The following RASL10B variants were observed in gnomAD, a reference collection of about 807,000 sequenced individuals.
The protein encoded by RASL10B is ras-like protein family member 10B.
A neutral mutation model predicts 20.7 loss-of-function variants in RASL10B; 10 were observed. That is an observed-to-expected ratio of 0.48 (90% confidence interval 0.30 to 0.82). The LOEUF (loss-of-function observed/expected upper bound fraction) is 0.82, where lower values mean the gene tolerates loss of function less well. RASL10B is among the 40% of genes least tolerant of loss of function. RASL10B has a pLI of 0.07. For synonymous variants in RASL10B, 110 were observed against 123.3 expected, an observed-to-expected ratio of 0.89 and a Z score of 0.72; for missense variants, 231 against 295.4, an observed-to-expected ratio of 0.78 and a Z score of 1.60.
rs1212662974 is a variant in RASL10B at position 35,731,834 on chromosome 17, C to T, written c.-192C>T. The T allele has an allele frequency of 1.3e-5, 2 of 151,810 alleles. No individual in the cohort carries two copies. The highest frequency in any genetic ancestry group is 2.9e-5 in the Non-Finnish European group (2 of 67,936). 9.4% of individuals were successfully genotyped at this position (151,810 alleles called of 1,614,324 possible). A position where few individuals can be genotyped will look rare whatever the true frequency, so the allele number is the denominator to read the frequency against. On this transcript the variant is annotated 5_prime_UTR_variant, in exon 1 of 4. Coordinates refer to ENST00000603017, the MANE Select transcript of RASL10B (RefSeq NM_033315.4). Reference sequence around the variant, plus strand: ...CCGGAGCCCGGGGGGAGCTCAGCCCCGCCGACCGGCCGGCCAGGGCAGGGG... The same window carrying T: ...CCGGAGCCCGGGGGGAGCTCAGCCCTGCCGACCGGCCGGCCAGGGCAGGGG...
chr17:35,734,806 G>A (rs2085579856), intron 1 of RASL10B, among the ~76,000 whole-genome samples: 2 of 152,130 alleles, frequency 1.3e-5, no homozygotes, highest in Admixed American at 1.3e-4. Context: ...GGTTGGAGTT[G>A]GACCTGGAGA....
chr17:35,741,140 G>C lies in RASL10B; in HGVS notation c.447G>C (p.Lys149Asn). Residue 149 changes from lysine (K) to asparagine (N), a missense_variant, in exon 4 of 4, where the codon AAG becomes AAC. By Grantham distance (94) the Lys-to-Asn change is moderately conservative. Coordinates refer to ENST00000603017, the MANE Select transcript of RASL10B (RefSeq NM_033315.4). ...PRWNVSHLVR[K>N]TWKCGYVECS... ...GGAACGTGTCGCACCTGGTACGCAAGACCTGGAAGTGCGGCTACGTGGAAT... is the reference window on the plus strand; with the variant it reads ...GGAACGTGTCGCACCTGGTACGCAACACCTGGAAGTGCGGCTACGTGGAAT... The C allele has an allele frequency of 1.2e-6, 2 of 1,613,576 alleles. No individual in the cohort carries two copies. Among genetic ancestry groups the C allele is most frequent in the Non-Finnish European group, 1.7e-6 (2 of 1,180,026 alleles).
At chr17:35,738,268 C>CA in intron 2 of RASL10B, among the ~76,000 whole-genome samples, 1 of 152,048 alleles carries the variant, frequency 6.6e-6, no homozygotes, top group Non-Finnish European at 1.5e-5. Flanking sequence ...GTTTTGGACT[C>CA]TAAGATATCC....
At chr17:35,740,806 G>A (rs1354490470) in intron 3 of RASL10B, among the ~76,000 whole-genome samples, 1 of 152,218 alleles carries the variant, frequency 6.6e-6, no homozygotes, top group Non-Finnish European at 1.5e-5. Context: ...ATGACTTGAA[G>A]CCAGTAAACA....
intron 2 of RASL10B, 72 bp from the exon 3 acceptor site, chr17:35,740,337 A>C: frequency 1.3e-6 from 2 of 1,571,278 alleles, no homozygotes; most frequent in Non-Finnish European, 1.7e-6. Context: ...TGCCCCTCTG[A>C]TGGGAGGTGT....
At chr17:35,732,232 C>G (rs2085562746) in intron 1 of RASL10B, among the ~76,000 whole-genome samples, 1 of 152,230 alleles carries the variant, frequency 6.6e-6, no homozygotes, top group Admixed American at 6.5e-5. Flanking sequence ...TGACCCGGCC[C>G]TCGGGATCCG....
chr17:35,740,406 C>A lies in RASL10B; in HGVS notation c.217-3C>A. 6.2e-7 allele frequency: 1 copy of A among 1,613,132 alleles called. No homozygotes were observed. Among genetic ancestry groups the A allele is most frequent in the Non-Finnish European group, 8.5e-7 (1 of 1,179,540 alleles). On this transcript the variant is annotated splice_polypyrimidine_tract_variant and splice_region_variant and intron_variant, in intron 2 of 3. Transcript: ENST00000603017. ...ACCCTGGTACTGGCTGGGGATATTG[C>A]AGGAGTGGGCAGACACCTGCTGCAG...
chr17:35,736,981 T>C, intron 2 of RASL10B: 1 of 152,204 alleles, frequency 6.6e-6, no homozygotes, highest in East Asian at 1.9e-4. Context: ...CTCAAACTCC[T>C]GACCTCAAGT....
intron 2 of RASL10B, 32 bp from the exon 3 acceptor site, chr17:35,740,377 T>C (rs2085621884): frequency 6.2e-7 from 1 of 1,608,940 alleles, no homozygotes; most frequent in Non-Finnish European, 8.5e-7. Context: ...TCATGGCTGC[T>C]CTGACCCTGG....
chr17:35,741,503 C>G lies in RASL10B; in HGVS notation c.*198C>G, dbSNP rs1568094515. 7 of 828,256 alleles carry G rather than the reference C, an allele frequency of 8.5e-6. No homozygotes were observed. The highest frequency in any genetic ancestry group is 1.2e-5 in the Non-Finnish European group (7 of 591,054). 51.3% of individuals were successfully genotyped at this position (828,256 alleles called of 1,614,324 possible). A position where few individuals can be genotyped will look rare whatever the true frequency, so the allele number is the denominator to read the frequency against. On this transcript the variant is annotated 3_prime_UTR_variant, in exon 4 of 4. Transcript: ENST00000603017. Reference sequence around the variant, plus strand: ...ACTGCCCAGCCCTGCCCCTTGCCCCCGTGGCTTCCTGGGACAGCCGCCTTC... The same window carrying G: ...ACTGCCCAGCCCTGCCCCTTGCCCCGGTGGCTTCCTGGGACAGCCGCCTTC...
intron 2 of RASL10B, among the ~76,000 whole-genome samples, chr17:35,736,093 C>A (rs1268070152): frequency 6.6e-6 from 1 of 152,188 alleles, no homozygotes; most frequent in Non-Finnish European, 1.5e-5. Context: ...TGGGCACCCT[C>A]CCTGCCAGGT....
At chr17:35,734,973 G>T in intron 1 of RASL10B, 65 bp from the exon 2 acceptor site, 2 of 591,784 alleles carry the variant, frequency 3.4e-6, no homozygotes, top group East Asian at 2.8e-5. Context: ...AGTCCCAAAG[G>T]TGGAAAAGTG....
chr17:35,731,666 C>G lies in RASL10B; in HGVS notation c.-360C>G, dbSNP rs1235923677. The stretch of plus-strand genomic sequence containing the variant: ...TCCAGCGCGAGCAGGCGGCGCGCTC[C>G]GGAGGGAGAGCTGGGGCTGGAGGTT... On this transcript the variant is annotated 5_prime_UTR_variant, in exon 1 of 4. Coordinates refer to ENST00000603017, the MANE Select transcript of RASL10B (RefSeq NM_033315.4). 1 of 152,258 alleles carries G rather than the reference C, an allele frequency of 6.6e-6. No homozygotes were observed. The highest frequency in any genetic ancestry group is 1.5e-5 in the Non-Finnish European group (1 of 68,094). 9.4% of individuals were successfully genotyped at this position (152,258 alleles called of 1,614,324 possible).
chr17:35,733,979 C>T (rs1181463196), intron 1 of RASL10B, among the ~76,000 whole-genome samples: 2 of 152,218 alleles, frequency 1.3e-5, no homozygotes, highest in African/African-American at 4.8e-5. Context: ...AGACCTTGGC[C>T]TATATGCATT....
intron 2 of RASL10B, among the ~76,000 whole-genome samples, chr17:35,738,851 C>G (rs1281410594): frequency 2.0e-5 from 3 of 152,150 alleles, no homozygotes; most frequent in South Asian, 2.1e-4. Context: ...GCTGCTCCCT[C>G]TCCCCAGCAG....
rs1456112892 is a variant in RASL10B, at chr17:35,741,341, C to G, written c.*36C>G. On this transcript the variant is annotated 3_prime_UTR_variant, in exon 4 of 4. Transcript: ENST00000603017. ...CCCCTCGGGCTGCACCGGCACTGGC[C>G]GAGCGGAGGGCGGGGCCGTACTGCG... 1 of 1,400,794 alleles carries G rather than the reference C, an allele frequency of 7.1e-7. No individual in the cohort carries two copies. The highest frequency in any genetic ancestry group is 9.2e-7 in the Non-Finnish European group (1 of 1,082,112). 86.8% of individuals were successfully genotyped at this position (1,400,794 alleles called of 1,614,324 possible).
At chr17:35,731,910 G>A (rs1555596428) in intron 1 of RASL10B, 32 bp downstream of exon 1, 2 of 151,830 alleles carry the variant, frequency 1.3e-5, no homozygotes, top group African/African-American at 4.8e-5. Context: ...AGCGGTCAGG[G>A]GTGGAGCGGG....
rs201213349 is a variant in RASL10B at position 35,740,556 on chromosome 17, A to T, written c.341+23A>T. On this transcript the variant is annotated intron_variant, in intron 3 of 3. Coordinates refer to ENST00000603017, the MANE Select transcript of RASL10B (RefSeq NM_033315.4). ...GAGGTGAGAGGCTGGAACACAGTCC[A>T]TTGCCACCTCTGTGGATGCCCCAGT... 25 of 1,608,478 alleles carry T rather than the reference A, an allele frequency of 1.6e-5. No homozygotes were observed. In the East Asian group the frequency reaches 5.2e-4, roughly 33 times the overall value.
chr17:35,734,392 A>T (rs1399413657), intron 1 of RASL10B, among the ~76,000 whole-genome samples: 1 of 152,172 alleles, frequency 6.6e-6, no homozygotes, highest in Non-Finnish European at 1.5e-5. Context: ...TCCCTTAGAG[A>T]TGTCGTACTG....
Sources: allele counts gnomAD v4.1 joint callset (sites outside exome capture counted in the v4.1 genomes callset), GRCh38; gene constraint gnomAD v4.1.1; transcripts MANE v1.5; gene names NCBI Gene and HGNC (gene_info 2026-07-23, HGNC 2026-07-21).